TCF20: variants seen among roughly 807,000 people sequenced by gnomAD.
The protein encoded by TCF20 is transcription factor 20.
In TCF20, 3 loss-of-function variants were observed where a neutral mutation model predicts 148.6. The ratio of observed to expected loss-of-function variants is 0.02; its 90% confidence interval spans 0.01 to 0.05. The LOEUF (loss-of-function observed/expected upper bound fraction) is 0.05, where lower values mean the gene tolerates loss of function less well. Ranked by LOEUF, TCF20 falls within the 10% of genes least tolerant of loss-of-function variation. TCF20 has a pLI of 1.00. For missense variants in TCF20, 2,350 were observed against 2,429.3 expected (o/e 0.97, Z 0.69); for synonymous variants, 1,049 against 909.5 (o/e 1.15, Z -2.76).
In TCF20 at chr22:42,161,272, GC is replaced by G; in HGVS notation, c.*130del. ...TGGGCAGGCACGCGGGCGGGGCGGG[GC>G]GGGGCAGGGCAGGGTGTGGCTGCAC... On this transcript the variant is annotated 3_prime_UTR_variant, in exon 6 of 6. Transcript: ENST00000677622. 1.2e-6 allele frequency: 2 copies of G among 1,602,734 alleles called. No individual in the cohort carries two copies. Among genetic ancestry groups the G allele is most frequent in the South Asian group, 1.1e-5 (1 of 90,758 alleles).
intron 3 of TCF20, among the ~76,000 whole-genome samples, chr22:42,174,873 A>G (rs1359716053): frequency 1.3e-5 from 2 of 152,062 alleles, no homozygotes; most frequent in Non-Finnish European, 2.9e-5. Context: ...GTCTCTACTA[A>G]AAACAGAAAA....
At chr22:42,209,337 C>A (rs1920922926) in intron 2 of TCF20, among the ~76,000 whole-genome samples, 1 of 152,046 alleles carries the variant, frequency 6.6e-6, no homozygotes, top group Non-Finnish European at 1.5e-5. Flanking sequence ...GATGATCTGC[C>A]CCAGGATAAG....
intron 1 of TCF20, among the ~76,000 whole-genome samples, chr22:42,281,401 CCCTT>C (rs1926899066): frequency 6.6e-6 from 1 of 152,208 alleles, no homozygotes; most frequent in Middle Eastern, 3.2e-3. Flanking sequence ...GTCAGGTTCT[CCCTT>C]CCTCCACAAG....
intron 1 of TCF20, among the ~76,000 whole-genome samples, chr22:42,323,995 GAGGTGGTGGCGGAGGT>G: frequency 1.6e-5 from 2 of 127,866 alleles, no homozygotes; most frequent in Non-Finnish European, 3.2e-5. Flanking sequence ...TATGGTGGTG[GAGGTGGTGGCGGAGGT>G]TATGGTGGTG....
chr22:42,254,543 G>A lies in TCF20; in HGVS notation c.-37+15796C>T, dbSNP rs538278676. ...AATATTGGGTATGTTAAGGCCTGGG[G>A]AAACAATCTCTCACCTGTCCTCCAT... On this transcript the variant is annotated intron_variant, in intron 1 of 5. Coordinates refer to ENST00000677622, the MANE Select transcript of TCF20 (RefSeq NM_001378418.1). 2.1e-3 allele frequency among the ~76,000 whole-genome samples: 320 copies of A among 152,300 alleles called. 2 individuals carry two copies. Among genetic ancestry groups the A allele is most frequent in the African/African-American group, 7.3e-3 (302 of 41,548 alleles).
intron 1 of TCF20, among the ~76,000 whole-genome samples, chr22:42,242,316 TGAG>T (rs369884079): frequency 2.0e-5 from 3 of 149,024 alleles, no homozygotes; most frequent in African/African-American, 7.5e-5. Flanking sequence ...AGGCAGTAAG[TGAG>T]GAGAAGTATT....
In TCF20 at chr22:42,209,638, T is replaced by C. The variant is rs200319310; in HGVS notation, c.5655+13A>G. ...TAAAAATCCCAAGCTGGTAAGAGAT[T>C]TCTCATACTCACCATCTCTCTGGCT... On this transcript the variant is annotated intron_variant, in intron 2 of 5. Coordinates refer to ENST00000677622, the MANE Select transcript of TCF20 (RefSeq NM_001378418.1). The C allele has an allele frequency of 3.2e-4, 500 of 1,568,602 alleles. 1 individual carries two copies. The highest frequency in any genetic ancestry group is 3.9e-4 in the Non-Finnish European group (453 of 1,159,120).
In TCF20 at chr22:42,297,324, C is replaced by G. The variant is rs1010017516; in HGVS notation, c.-37+46155G>C. On this transcript the variant is annotated intron_variant, in intron 1 of 1. Transcript: ENST00000515426. This position sits in a 1 kb window ranked among gnomAD's most constrained non-coding sequence, Gnocchi z 4.3. ...CCAGGCCTGAGCAGAGGTCAGACTC[C>G]CTAGCTGGCTTAAGGGTTGGTCATA... is the stretch of plus-strand genomic sequence containing the variant. 7.9e-5 allele frequency among the ~76,000 whole-genome samples: 12 copies of G among 152,232 alleles called. No individual in the cohort carries two copies. The highest frequency in any genetic ancestry group is 1.5e-4 in the Non-Finnish European group (10 of 68,036).
rs1306863477 is a variant in TCF20, at chr22:42,211,275, G to T, written c.4031C>A (p.Pro1344Gln). ...TSPAKTKILPPRKGRGLKLEA... is the reference protein window; with the variant it reads ...TSPAKTKILPQRKGRGLKLEA... ...CAATTTCAATCCCCGTCCTTTCCGT[G>T]GGGGCAGTATTTTGGTCTTAGCAGG... Residue 1344 changes from proline (P) to glutamine (Q), a missense_variant, in exon 2 of 6, where the codon CCA (proline) becomes CAA (glutamine). By Grantham distance (76) the Pro-to-Gln change is moderately conservative. Around this residue, in one of 7 missense-constraint regions of TCF20, gnomAD observed 1,641 missense variants for 1,662.6 expected, o/e 0.99. Transcript: ENST00000677622. The T allele has an allele frequency of 6.2e-7, 1 of 1,614,132 alleles. No individual in the cohort carries two copies. Among genetic ancestry groups the T allele is most frequent in the Non-Finnish European group, 8.5e-7 (1 of 1,180,018 alleles).
chr22:42,264,521 C>T (rs141867468), intron 1 of TCF20, among the ~76,000 whole-genome samples: 1 of 152,150 alleles, frequency 6.6e-6, no homozygotes, highest in Non-Finnish European at 1.5e-5. Context: ...ACACTTCAAC[C>T]AGCCCACTTC....
chr22:42,198,767 T>C (rs968818845), intron 2 of TCF20, among the ~76,000 whole-genome samples: 3 of 151,698 alleles, frequency 2.0e-5, no homozygotes, highest in Admixed American at 6.6e-5. Context: ...GTTCACGCCA[T>C]TCTCCTGCCT....
intron 1 of TCF20, among the ~76,000 whole-genome samples, chr22:42,255,532 C>CAA (rs1569189466): frequency 6.8e-6 from 1 of 148,000 alleles, no homozygotes; most frequent in African/African-American, 2.6e-5. Flanking sequence ...AACAACAAAA[C>CAA]CACATTATTT....
At chr22:42,221,740 T>TTTTTTTTTTTG (rs1922381350) in intron 1 of TCF20, among the ~76,000 whole-genome samples, 11 of 25,970 alleles carry the variant, frequency 4.2e-4, no homozygotes, top group South Asian at 2.9e-3. Flanking sequence ...TGGCAAAGGG[T>TTTTTTTTTTTG]TTTTTTTTTT....
At chr22:42,319,535 C>T (rs1175036030) in intron 1 of TCF20, among the ~76,000 whole-genome samples, 1 of 152,212 alleles carries the variant, frequency 6.6e-6, no homozygotes, top group Non-Finnish European at 1.5e-5. Context: ...ACCTTCAATT[C>T]CCTCCCAGTA....
intron 1 of TCF20, among the ~76,000 whole-genome samples, chr22:42,221,965 C>T (rs1046482273): frequency 6.6e-6 from 1 of 151,906 alleles, no homozygotes; most frequent in Non-Finnish European, 1.5e-5. Context: ...GTCTCGATCT[C>T]CTGACCTCAT....
chr22:42,221,566 T>G (rs897543059), intron 1 of TCF20, among the ~76,000 whole-genome samples: 1 of 151,966 alleles, frequency 6.6e-6, no homozygotes, highest in Non-Finnish European at 1.5e-5. Context: ...AAATCCTCCC[T>G]CAACAAAACA....
intron 3 of TCF20, among the ~76,000 whole-genome samples, chr22:42,179,343 T>C (rs1390335433): frequency 1.4e-5 from 2 of 146,428 alleles, no homozygotes; most frequent in East Asian, 4.0e-4. Flanking sequence ...CCCACAGAGA[T>C]AGAAAGGATT....
At chr22:42,181,491 G>A (rs1267892249) in intron 2 of TCF20, among the ~76,000 whole-genome samples, 2 of 151,978 alleles carry the variant, frequency 1.3e-5, no homozygotes. Flanking sequence ...CCTGGGGGAT[G>A]AATCACAGTG....
At chr22:42,168,893 T>C (rs1380575222) in intron 4 of TCF20, among the ~76,000 whole-genome samples, 157 bp from the exon 5 acceptor site, 1 of 152,028 alleles carries the variant, frequency 6.6e-6, no homozygotes, top group Non-Finnish European at 1.5e-5. Context: ...CAGGGTTTTC[T>C]GAGGCAAAAT....
Sources: gnomAD v4.1 joint callset for allele counts (sites outside exome capture counted in the v4.1 genomes callset) on GRCh38, gnomAD v4.1.1 for gene constraint, gnomAD v4.1.1 regional missense constraint, Gnocchi (gnomAD v3.1) non-coding constraint, MANE v1.5 for transcripts, NCBI Gene and HGNC (gene_info 2026-07-23, HGNC 2026-07-21) for gene names.